The following SIAH3 variants were observed in gnomAD, a reference collection of about 807,000 sequenced individuals.
SIAH3 encodes the protein seven in absentia homolog 3.
Under a neutral mutation model 12.6 loss-of-function variants are expected in SIAH3, and 9 were observed. The observed-to-expected ratio is 0.72, with a 90% CI of 0.43 to 1.25. The LOEUF (loss-of-function observed/expected upper bound fraction) is 1.25, where lower values mean the gene tolerates loss of function less well. Among genes scored for constraint, SIAH3 ranks in the 50% most tolerant of loss-of-function variants. SIAH3 has a pLI of 0.00. For missense variants in SIAH3, 390 were observed against 365.4 expected (o/e 1.07, Z -0.55); for synonymous variants, 154 against 151.1 (o/e 1.02, Z -0.14).
chr13:45,837,484 G>A (rs1950721781), intron 1 of SIAH3, among the ~76,000 whole-genome samples: 2 of 150,806 alleles, frequency 1.3e-5, no homozygotes, highest in Admixed American at 6.6e-5. Flanking sequence ...GAGAAAGAGA[G>A]GGAAAGAAAA....
intron 1 of SIAH3, among the ~76,000 whole-genome samples, chr13:45,796,826 G>T (rs1408059178): frequency 6.6e-6 from 1 of 152,236 alleles, no homozygotes; most frequent in Non-Finnish European, 1.5e-5. Flanking sequence ...GCCACAGAAA[G>T]CTGCTGACAG....
At chr13:45,795,707 A>T (rs901625450) in intron 1 of SIAH3, among the ~76,000 whole-genome samples, 1 of 152,142 alleles carries the variant, frequency 6.6e-6, no homozygotes, top group Non-Finnish European at 1.5e-5. Flanking sequence ...GTGGGGTAAG[A>T]TCTGAGCCTC....
chr13:45,831,117 T>A (rs1950697337), intron 1 of SIAH3, among the ~76,000 whole-genome samples: 1 of 151,788 alleles, frequency 6.6e-6, no homozygotes, highest in Non-Finnish European at 1.5e-5. Flanking sequence ...AGGTGGGGGT[T>A]GCAGTGAGCC....
chr13:45,804,952 A>G (rs940843475), intron 1 of SIAH3, among the ~76,000 whole-genome samples: 1 of 144,056 alleles, frequency 6.9e-6, no homozygotes, highest in Admixed American at 7.4e-5. Flanking sequence ...CAAGAACTCA[A>G]TCCCATTTAT....
At chr13:45,819,895 G>A (rs779889337) in intron 1 of SIAH3, among the ~76,000 whole-genome samples, 7 of 152,206 alleles carry the variant, frequency 4.6e-5, no homozygotes, top group Non-Finnish European at 8.8e-5. Context: ...ACAGAAAGGG[G>A]TTCCTCACAG....
At chr13:45,815,164 A>C (rs921305385) in intron 1 of SIAH3, among the ~76,000 whole-genome samples, 6 of 151,482 alleles carry the variant, frequency 4.0e-5, no homozygotes, top group African/African-American at 1.5e-4. Context: ...CTGGCAGTGA[A>C]GGTTAATTTT....
intron 1 of SIAH3, among the ~76,000 whole-genome samples, chr13:45,841,280 T>C (rs1183328213): frequency 6.6e-6 from 1 of 152,212 alleles, no homozygotes; most frequent in Non-Finnish European, 1.5e-5. Flanking sequence ...CTGGCCAGTC[T>C]CTTGTAAAAT....
At chr13:45,827,701 T>C (rs1299464968) in intron 1 of SIAH3, among the ~76,000 whole-genome samples, 1 of 152,174 alleles carries the variant, frequency 6.6e-6, no homozygotes, top group East Asian at 1.9e-4. Flanking sequence ...CCTGGCTACA[T>C]CAGGCTCTGA....
At chr13:45,843,032 C>CTGTGTGTGTGTGTGTGTGTGTG (rs746384493) in intron 1 of SIAH3, among the ~76,000 whole-genome samples, 6,529 of 126,298 alleles carry the variant, frequency 0.052, 234 homozygotes, top group South Asian at 0.088. Context: ...CTCTCTCTCT[C>CTGTGTGTGTGTGTGTGTGTGTG]TCTGTGTGTG....
chr13:45,787,728 G>A (rs538750890), intron 1 of SIAH3, among the ~76,000 whole-genome samples: 1 of 152,332 alleles, frequency 6.6e-6, no homozygotes, highest in African/African-American at 2.4e-5. Context: ...TGTAAGCCAA[G>A]CTGAGGCTCT....
chr13:45,796,492 C>T (rs1950563215), intron 1 of SIAH3, among the ~76,000 whole-genome samples: 1 of 152,232 alleles, frequency 6.6e-6, no homozygotes, highest in African/African-American at 2.4e-5. Flanking sequence ...CAGGGACGGG[C>T]TCAGGGAGCA....
intron 1 of SIAH3, among the ~76,000 whole-genome samples, chr13:45,843,034 C>CTCTGTGTGTGTGTGTGTGTGTGTG (rs560128772): frequency 7.8e-4 from 109 of 139,272 alleles, no homozygotes; most frequent in Middle Eastern, 3.7e-3. Context: ...CTCTCTCTCT[C>CTCTGTGTGTGTGTGTGTGTGTGTG]TGTGTGTGTG....
intron 1 of SIAH3, among the ~76,000 whole-genome samples, chr13:45,821,318 C>T (rs1302497145): frequency 6.6e-6 from 1 of 152,340 alleles, no homozygotes; most frequent in Non-Finnish European, 1.5e-5. Context: ...TCCCTCACAG[C>T]CTAGAAGGAA....
intron 1 of SIAH3, among the ~76,000 whole-genome samples, chr13:45,801,872 G>A (rs7317715): frequency 0.048 from 7,316 of 152,292 alleles, 580 homozygotes; most frequent in African/African-American, 0.17. Flanking sequence ...ATATCAAGGG[G>A]CAGCAGGGCT....
At chr13:45,803,088 C>T (rs960790432) in intron 1 of SIAH3, among the ~76,000 whole-genome samples, 7 of 151,578 alleles carry the variant, frequency 4.6e-5, no homozygotes, top group East Asian at 1.9e-4. Context: ...AAAAGGCAGC[C>T]GCAGACTAGA....
At chr13:45,789,384 C>T (rs55822733) in intron 1 of SIAH3, among the ~76,000 whole-genome samples, 4 of 35,346 alleles carry the variant, frequency 1.1e-4, no homozygotes, top group African/African-American at 4.0e-4. Context: ...ATCTATCTAT[C>T]TATCTATCTA....
intron 1 of SIAH3, among the ~76,000 whole-genome samples, chr13:45,790,840 T>G (rs1950543589): frequency 1.3e-5 from 2 of 152,188 alleles, no homozygotes; most frequent in Non-Finnish European, 2.9e-5. Context: ...AAGCAGCAGT[T>G]AAGATCTGTC....
intron 1 of SIAH3, among the ~76,000 whole-genome samples, chr13:45,845,718 A>T (rs752196550): frequency 1.6e-4 from 24 of 151,934 alleles, no homozygotes; most frequent in Non-Finnish European, 2.2e-4. Context: ...AAATTTTTAA[A>T]TTTTTTTTCC....
chr13:45,842,013 G>A (rs536652547), intron 1 of SIAH3, among the ~76,000 whole-genome samples: 1 of 152,212 alleles, frequency 6.6e-6, no homozygotes. Flanking sequence ...TCATCAGTGG[G>A]AACCTTGGGC....
Sources: gnomAD v4.1 joint callset for allele counts (sites outside exome capture counted in the v4.1 genomes callset) on GRCh38, gnomAD v4.1.1 for gene constraint, MANE v1.5 for transcripts, NCBI Gene and HGNC (gene_info 2026-07-23, HGNC 2026-07-21) for gene names.